Variants in PCYT1A observed in about 807,000 individuals in gnomAD.
The protein encoded by PCYT1A is choline-phosphate cytidylyltransferase A.
In PCYT1A, 25 loss-of-function variants were observed where a neutral mutation model predicts 43.7. The ratio of observed to expected loss-of-function variants is 0.57; its 90% CI spans 0.42 to 0.80. The LOEUF (loss-of-function observed/expected upper bound fraction) is 0.80, where lower values mean the gene tolerates loss of function less well. PCYT1A is among the 30% of genes least tolerant of loss of function. The probability of loss-of-function intolerance (pLI) is 0.00; values close to 1 mark genes in which losing one functional copy is unlikely to be tolerated. For synonymous variants in PCYT1A, 172 were observed against 170.7 expected (o/e 1.01, Z -0.06); for missense variants, 421 against 474.2 (o/e 0.89, Z 1.04).
At chr3:196,255,679 C>T (rs556099730) in intron 3 of PCYT1A, among the ~76,000 whole-genome samples, 4 of 152,140 alleles carry the variant, frequency 2.6e-5, no homozygotes, top group East Asian at 1.9e-4. Flanking sequence ...GGTTGACAAG[C>T]GAGACTCTGT....
chr3:196,266,825 C>T (rs12634304), intron 2 of PCYT1A, among the ~76,000 whole-genome samples: 55,634 of 151,222 alleles, frequency 0.37, 10,917 homozygotes, highest in East Asian at 0.81. Flanking sequence ...CCTGGGAGGC[C>T]GAGATCACAC....
intron 2 of PCYT1A, among the ~76,000 whole-genome samples, chr3:196,259,629 A>G (rs1247704157): frequency 6.6e-6 from 1 of 151,922 alleles, no homozygotes; most frequent in Non-Finnish European, 1.5e-5. Context: ...GGATTGCTTG[A>G]GCCCAGGAGT....
Position 196,242,960 on chromosome 3 carries a change from T to G in PCYT1A, c.487-320A>C. ...GAGGGTTTGCTGGTGAACCGGTTAG[T>G]GGGTGGAGCCTAGGAAAGAAGGAAA... On this transcript the variant is annotated intron_variant, in intron 5 of 8. Coordinates refer to ENST00000431016, the MANE Select transcript of PCYT1A (RefSeq NM_001312673.2). This position sits in a 1 kb window ranked among gnomAD's most constrained non-coding sequence, Gnocchi z 4.2. 3.1e-6 allele frequency: 1 copy of G among 320,512 alleles called. No individual in the cohort carries two copies. Among genetic ancestry groups the G allele is most frequent in the East Asian group, 6.8e-5 (1 of 14,688 alleles). 19.9% of individuals were successfully genotyped at this position (320,512 alleles called of 1,614,324 possible).
At chr3:196,280,567 A>ATTTTTTTTT (rs1725735210) in intron 1 of PCYT1A, among the ~76,000 whole-genome samples, 2 of 40,850 alleles carry the variant, frequency 4.9e-5, no homozygotes, top group South Asian at 7.6e-4. Flanking sequence ...TGGTATTTTT[A>ATTTTTTTTT]TTGTTTTTTT....
At chr3:196,272,494 T>G (rs1725462559) in intron 1 of PCYT1A, among the ~76,000 whole-genome samples, 1 of 152,220 alleles carries the variant, frequency 6.6e-6, no homozygotes, top group Admixed American at 6.5e-5. Context: ...AATTTTTGTA[T>G]TTTTAGTAGA....
In PCYT1A at chr3:196,242,249, A is replaced by C; in HGVS notation, c.566-159T>G. 1 of 722,716 alleles carries C rather than the reference A, an allele frequency of 1.4e-6. No homozygotes were observed. The highest frequency in any genetic ancestry group is 2.3e-6 in the Non-Finnish European group (1 of 431,164). 44.8% of individuals were successfully genotyped at this position (722,716 alleles called of 1,614,324 possible). On this transcript the variant is annotated intron_variant, in intron 6 of 8. Coordinates refer to ENST00000431016, the MANE Select transcript of PCYT1A (RefSeq NM_001312673.2). This position sits in a 1 kb window ranked among gnomAD's most constrained non-coding sequence, Gnocchi z 4.2. ...AAAGATACTGATATACAGAAGGTAG[A>C]CCGAATCAAAGGCCAGAGGTAAGGC...
At chr3:196,281,650 T>G (rs899229745) in intron 1 of PCYT1A, among the ~76,000 whole-genome samples, 1 of 152,140 alleles carries the variant, frequency 6.6e-6, no homozygotes, top group African/African-American at 2.4e-5. Context: ...TCATCCTAGA[T>G]GAAATCAGGA....
chr3:196,251,849 C>T (rs1326368153), intron 3 of PCYT1A, among the ~76,000 whole-genome samples: 2 of 152,192 alleles, frequency 1.3e-5, no homozygotes, highest in Admixed American at 1.3e-4. Context: ...GAGAGGGAGA[C>T]ATTTTACTTT....
At chr3:196,280,576 T>A (rs887038802) in intron 1 of PCYT1A, among the ~76,000 whole-genome samples, 4 of 147,822 alleles carry the variant, frequency 2.7e-5, no homozygotes, top group African/African-American at 9.9e-5. Context: ...TATTGTTTTT[T>A]TTTTTTTTTT....
rs945314492 is a variant in PCYT1A at position 196,252,063 on chromosome 3, C to T, written c.218-3740G>A. Among the ~76,000 whole-genome samples, 2 of 151,634 alleles carry T rather than the reference C, an allele frequency of 1.3e-5. No homozygotes were observed. Among genetic ancestry groups the T allele is most frequent in the African/African-American group, 4.8e-5 (2 of 41,304 alleles). On this transcript the variant is annotated intron_variant, in intron 3 of 8. Transcript: ENST00000431016. The surrounding 1 kb of genome is among the most constrained non-coding windows in gnomAD (Gnocchi z 4.0). ...AAGCTGGGACTACAGCGCACACCACCACGCCCCGCTGACTACAGCGCACCC... is the reference window on the plus strand; with the variant it reads ...AAGCTGGGACTACAGCGCACACCACTACGCCCCGCTGACTACAGCGCACCC...
chr3:196,251,171 T>G (rs577838431), intron 3 of PCYT1A, among the ~76,000 whole-genome samples: 1 of 150,608 alleles, frequency 6.6e-6, no homozygotes, highest in Non-Finnish European at 1.5e-5. Context: ...GAGGATCACA[T>G]ACACCATGCT....
intron 2 of PCYT1A, among the ~76,000 whole-genome samples, chr3:196,266,928 T>C (rs1007793684): frequency 6.6e-6 from 1 of 151,402 alleles, no homozygotes; most frequent in Admixed American, 6.6e-5. Flanking sequence ...CCCAGTACTT[T>C]GGGAGGCCGA....
intron 7 of PCYT1A, 146 bp from the exon 8 acceptor site, chr3:196,239,881 CATA>C (rs1560160453): frequency 8.0e-6 from 5 of 621,640 alleles, no homozygotes; most frequent in Non-Finnish European, 1.4e-5. Flanking sequence ...CCACTCTCAG[CATA>C]ATAACAGATA....
intron 7 of PCYT1A, 54 bp from the exon 8 acceptor site, chr3:196,239,789 C>T: frequency 8.2e-7 from 1 of 1,224,824 alleles, no homozygotes; most frequent in South Asian, 1.3e-5. Context: ...AACTTCTCTA[C>T]CATAAGAGAA....
At chr3:196,256,640 C>A (rs1296954840) in intron 3 of PCYT1A, among the ~76,000 whole-genome samples, 2 of 151,964 alleles carry the variant, frequency 1.3e-5, no homozygotes, top group Non-Finnish European at 2.9e-5. Flanking sequence ...CCCAGGTTCA[C>A]ATAATTCTCG....
intron 2 of PCYT1A, among the ~76,000 whole-genome samples, chr3:196,269,694 T>C (rs1359590115): frequency 6.6e-6 from 1 of 151,822 alleles, no homozygotes; most frequent in African/African-American, 2.4e-5. Flanking sequence ...GAGCATAAGG[T>C]AGGCATAAAC....
At chr3:196,259,786 A>T (rs771271736) in intron 2 of PCYT1A, among the ~76,000 whole-genome samples, 34 of 151,278 alleles carry the variant, frequency 2.2e-4, no homozygotes, top group Non-Finnish European at 4.4e-4. Context: ...CAGGGGTTAC[A>T]GTGAGCTGAG....
chr3:196,272,249 A>T (rs1354783120), intron 1 of PCYT1A, among the ~76,000 whole-genome samples: 1 of 151,286 alleles, frequency 6.6e-6, no homozygotes, highest in Non-Finnish European at 1.5e-5. Flanking sequence ...CAGTGGCACC[A>T]TCTCGGCTCA....
chr3:196,256,012 C>G (rs971721377), intron 3 of PCYT1A, among the ~76,000 whole-genome samples: 28 of 152,172 alleles, frequency 1.8e-4, no homozygotes, highest in Admixed American at 9.2e-4. Flanking sequence ...AGGAGCCTAC[C>G]TATTACCCAA....
Sources: gnomAD v4.1 joint callset for allele counts (sites outside exome capture counted in the v4.1 genomes callset) on GRCh38, gnomAD v4.1.1 for gene constraint, Gnocchi (gnomAD v3.1) non-coding constraint, MANE v1.5 for transcripts, NCBI Gene and HGNC (gene_info 2026-07-23, HGNC 2026-07-21) for gene names.